The following DYNC2H1 variants were observed in gnomAD, a reference collection of about 807,000 sequenced individuals.
DYNC2H1 encodes the protein cytoplasmic dynein 2 heavy chain 1.
Under a neutral mutation model 570.0 loss-of-function variants are expected in DYNC2H1, and 410 were observed. The ratio of observed to expected loss-of-function variants is 0.72; its 90% CI spans 0.66 to 0.78. DYNC2H1 has a LOEUF of 0.78. DYNC2H1 is among the 30% of genes least tolerant of loss of function. The pLI, the probability that DYNC2H1 is intolerant of heterozygous loss-of-function variation, is 0.00. For synonymous variants in DYNC2H1, 1,688 were observed against 1,677.6 expected (o/e 1.01, Z -0.15); for missense variants, 4,865 against 5,046.4 (o/e 0.96, Z 1.09).
In DYNC2H1 at chr11:103,120,773, A is replaced by G; in HGVS notation, c.1219A>G (p.Ile407Val). Reference sequence around the variant, plus strand: ...AATAGCAGGAAAATTGAAAAATTATATTTCAGAAATTCAAGACAGTCCACA... The same window carrying G: ...AATAGCAGGAAAATTGAAAAATTATGTTTCAGAAATTCAAGACAGTCCACA... ...QKIAGKLKNY[I>V]SEIQDSPQQL... is the part of the protein sequence containing the mutation. Residue 407 changes from isoleucine (I) to valine (V), a missense_variant, in exon 8 of 89, where the codon ATT becomes GTT. Ile to Val is a conservative substitution (Grantham distance 29). Around this residue, in one of 5 missense-constraint regions of DYNC2H1, gnomAD observed 1,936 missense variants for 1,962.1 expected, o/e 0.99. Transcript: ENST00000375735. 1.9e-6 allele frequency: 3 copies of G among 1,572,526 alleles called. No individual in the cohort carries two copies. Among genetic ancestry groups the G allele is most frequent in the Middle Eastern group, 1.8e-4 (1 of 5,478 alleles).
chr11:103,149,044 G>A (rs569622005), intron 20 of DYNC2H1, among the ~76,000 whole-genome samples: 2 of 152,208 alleles, frequency 1.3e-5, no homozygotes, highest in African/African-American at 2.4e-5. Flanking sequence ...GTGACAGAGC[G>A]AGACTCTGTC....
intron 83 of DYNC2H1, among the ~76,000 whole-genome samples, chr11:103,364,284 A>G (rs1386462502): frequency 2.0e-5 from 3 of 152,010 alleles, no homozygotes; most frequent in African/African-American, 7.2e-5. Flanking sequence ...CTACTGACAA[A>G]GGAGATAGGA....
At chr11:103,279,899 T>G (rs531080619) in intron 70 of DYNC2H1, among the ~76,000 whole-genome samples, 1 of 152,200 alleles carries the variant, frequency 6.6e-6, no homozygotes, top group Non-Finnish European at 1.5e-5. Flanking sequence ...GTTTCCTGTT[T>G]GATTTAGGAA....
intron 43 of DYNC2H1, among the ~76,000 whole-genome samples, chr11:103,188,167 A>C (rs1445755833): frequency 6.6e-6 from 1 of 152,094 alleles, no homozygotes; most frequent in Non-Finnish European, 1.5e-5. Flanking sequence ...ACAGAAAAAA[A>C]CAAAAATATT....
At chr11:103,374,332 G>A in intron 83 of DYNC2H1, among the ~76,000 whole-genome samples, 1 of 152,102 alleles carries the variant, frequency 6.6e-6, no homozygotes. Flanking sequence ...CATTTCCCCT[G>A]CTGGCACTTA....
chr11:103,418,740 G>A (rs1233014368), intron 84 of DYNC2H1, among the ~76,000 whole-genome samples: 8 of 152,182 alleles, frequency 5.3e-5, no homozygotes, highest in Non-Finnish European at 1.0e-4. Context: ...TGGAGCCAAA[G>A]GAACCCCCAT....
At chr11:103,330,861 A>G (rs1304180819) in intron 82 of DYNC2H1, among the ~76,000 whole-genome samples, 1 of 152,152 alleles carries the variant, frequency 6.6e-6, no homozygotes, top group Admixed American at 6.5e-5. Flanking sequence ...GATTTCATAC[A>G]TTGGAATATT....
At chr11:103,441,853 C>T (rs1944282034) in intron 85 of DYNC2H1, among the ~76,000 whole-genome samples, 1 of 151,914 alleles carries the variant, frequency 6.6e-6, no homozygotes, top group South Asian at 2.1e-4. Context: ...GTTAGGTTTT[C>T]ACTCATTTTT....
intron 84 of DYNC2H1, among the ~76,000 whole-genome samples, chr11:103,401,239 T>C (rs966101792): frequency 1.3e-5 from 2 of 152,212 alleles, no homozygotes; most frequent in African/African-American, 4.8e-5. Flanking sequence ...TGTCCTGTTG[T>C]CATAATAAAT....
At chr11:103,242,264 T>C (rs1012338487) in intron 63 of DYNC2H1, among the ~76,000 whole-genome samples, 3 of 152,184 alleles carry the variant, frequency 2.0e-5, no homozygotes, top group Non-Finnish European at 4.4e-5. Flanking sequence ...GTTCAATGTA[T>C]AAGTTACACA....
At chr11:103,429,154 G>C (rs1317390258) in intron 84 of DYNC2H1, among the ~76,000 whole-genome samples, 1 of 151,914 alleles carries the variant, frequency 6.6e-6, no homozygotes, top group Non-Finnish European at 1.5e-5. Context: ...CCAGCTACTC[G>C]GGAGACTGAG....
chr11:103,287,060 A>G (rs1429478045), intron 74 of DYNC2H1, among the ~76,000 whole-genome samples: 2 of 152,178 alleles, frequency 1.3e-5, no homozygotes, highest in African/African-American at 2.4e-5. Context: ...GAAGGATCAC[A>G]TGAGCTCAGG....
intron 39 of DYNC2H1, among the ~76,000 whole-genome samples, chr11:103,179,970 GTGT>G (rs1461663056): frequency 6.6e-6 from 1 of 151,352 alleles, no homozygotes; most frequent in Non-Finnish European, 1.5e-5. Flanking sequence ...GTCATTTTAG[GTGT>G]TGTATGACAT....
chr11:103,112,709 T>C (rs1858172692), intron 1 of DYNC2H1, among the ~76,000 whole-genome samples: 1 of 152,194 alleles, frequency 6.6e-6, no homozygotes, highest in South Asian at 2.1e-4. Context: ...ATGAGACCCA[T>C]AGCTGTTCTT....
chr11:103,404,414 T>C (rs769269208), intron 84 of DYNC2H1: 1 of 151,136 alleles, frequency 6.6e-6, no homozygotes, highest in Non-Finnish European at 1.5e-5. Context: ...GAACTTTTCA[T>C]TTTGAAGCAA....
In DYNC2H1 at chr11:103,451,324, C is replaced by CTTTTTTTTTT. The variant is rs34032894; in HGVS notation, c.12457-3844_12457-3835dup. Among the ~76,000 whole-genome samples the CTTTTTTTTTT allele has an allele frequency of 1.9e-3, 135 of 71,034 alleles. 15 individuals are homozygous for CTTTTTTTTTT. Among genetic ancestry groups the CTTTTTTTTTT allele is most frequent in the African/African-American group, 2.2e-3 (33 of 14,834 alleles). 46.6% of individuals were successfully genotyped at this position (71,034 alleles called of 152,430 possible). On this transcript the variant is annotated intron_variant, in intron 85 of 88. Coordinates refer to ENST00000375735, the MANE Select transcript of DYNC2H1 (RefSeq NM_001377.3). The stretch of plus-strand genomic sequence containing the variant: ...AGAAATGAATCACTGAGTAAAAGGG[C>CTTTTTTTTTT]TTTTTTTTTTTTTTTTTTTTTTTTT...
At position 103,209,957 on chromosome 11, in the gene DYNC2H1, T is replaced by C. The variant is rs767717747; in HGVS notation, c.8536T>C (p.Ser2846Pro). The C allele has an allele frequency of 1.2e-5, 18 of 1,483,344 alleles. No homozygotes were observed. The East Asian group carries it at 3.1e-4, about 26-fold the overall frequency. 91.9% of individuals were successfully genotyped at this position (1,483,344 alleles called of 1,614,324 possible). The change falls in exon 53 of 89, where the codon TCA (serine) becomes CCA (proline). Residue 2846 changes from serine (S) to proline (P), a missense_variant. This residue lies in a region of DYNC2H1 where 2,401 missense variants were observed against 2,454.6 expected (regional missense o/e 0.98). Coordinates refer to ENST00000375735, the MANE Select transcript of DYNC2H1 (RefSeq NM_001377.3). This position sits in a 1 kb window ranked among gnomAD's most constrained non-coding sequence, Gnocchi z 4.2. Reference protein sequence around the residue: ...KKRKEEKKKNSVDPDFLKSFL... With the variant: ...KKRKEEKKKNPVDPDFLKSFL... The stretch of plus-strand genomic sequence containing the variant: ...ACGAAAAGAAGAAAAGAAAAAAAAT[T>C]CAGGTAGTATTTTGATAAAATCAGT...
At chr11:103,332,664 A>G (rs1938880729) in intron 82 of DYNC2H1, among the ~76,000 whole-genome samples, 1 of 152,170 alleles carries the variant, frequency 6.6e-6, no homozygotes, top group South Asian at 2.1e-4. Context: ...AAAAAACTGG[A>G]AACCACAAAT....
chr11:103,121,640 C>A, intron 10 of DYNC2H1, 144 bp downstream of exon 10: 1 of 905,458 alleles, frequency 1.1e-6, no homozygotes, highest in African/African-American at 1.7e-5. Flanking sequence ...ATGCAGAACA[C>A]TGAAAAAGTA....
Sources: allele counts gnomAD v4.1 joint callset (sites outside exome capture counted in the v4.1 genomes callset), GRCh38; gene constraint gnomAD v4.1.1; regional missense constraint gnomAD v4.1.1; non-coding constraint Gnocchi (gnomAD v3.1); transcripts MANE v1.5; gene names NCBI Gene and HGNC (gene_info 2026-07-23, HGNC 2026-07-21).